The following CTNND2 variants were observed in gnomAD, a reference collection of about 807,000 sequenced individuals.
CTNND2 encodes the protein catenin delta 2.
A neutral mutation model predicts 144.4 loss-of-function variants in CTNND2; 22 were observed. The ratio of observed to expected loss-of-function variants is 0.15; its 90% CI spans 0.11 to 0.22. The LOEUF (loss-of-function observed/expected upper bound fraction) is 0.22, where lower values mean the gene tolerates loss of function less well. CTNND2 is among the 10% of genes least tolerant of loss of function. The pLI, the probability that CTNND2 is intolerant of heterozygous loss-of-function variation, is 1.00. For missense variants in CTNND2, 1,353 were observed against 1,618.8 expected (o/e 0.84, Z 2.82); for synonymous variants, 751 against 695.6 (o/e 1.08, Z -1.25).
chr5:11,824,540 T>G (rs1793501717), intron 1 of CTNND2, among the ~76,000 whole-genome samples: 1 of 152,112 alleles, frequency 6.6e-6, no homozygotes, highest in South Asian at 2.1e-4. Flanking sequence ...CTGCCTCTAA[T>G]TGAAGGGAAA....
At chr5:11,885,318 C>T (rs1008737601) in intron 1 of CTNND2, among the ~76,000 whole-genome samples, 1 of 152,100 alleles carries the variant, frequency 6.6e-6, no homozygotes, top group Non-Finnish European at 1.5e-5. Flanking sequence ...CTTTCTATTA[C>T]TGATTTAATC....
At chr5:11,014,901 C>T (rs908658514) in intron 18 of CTNND2, among the ~76,000 whole-genome samples, 1 of 152,176 alleles carries the variant, frequency 6.6e-6, no homozygotes, top group Admixed American at 6.5e-5. Context: ...CCTAATTATG[C>T]AAACTCCATA....
chr5:11,300,878 C>G (rs775938743), intron 9 of CTNND2, among the ~76,000 whole-genome samples: 3 of 152,128 alleles, frequency 2.0e-5, no homozygotes, highest in Non-Finnish European at 4.4e-5. Context: ...CTTCAGAACA[C>G]GGGCCTGCAG....
At chr5:11,889,286 A>G (rs1313730949) in intron 1 of CTNND2, among the ~76,000 whole-genome samples, 1 of 152,214 alleles carries the variant, frequency 6.6e-6, no homozygotes, top group Non-Finnish European at 1.5e-5. Flanking sequence ...ACACATTTTC[A>G]GTTACAAACC....
At chr5:11,330,627 C>T (rs971024867) in intron 9 of CTNND2, among the ~76,000 whole-genome samples, 8 of 151,544 alleles carry the variant, frequency 5.3e-5, no homozygotes, top group Admixed American at 2.6e-4. Flanking sequence ...AGTTCCAGTC[C>T]AGCCTGACCA....
At chr5:11,209,432 C>T (rs1409593765) in intron 10 of CTNND2, among the ~76,000 whole-genome samples, 2 of 152,142 alleles carry the variant, frequency 1.3e-5, no homozygotes, top group Non-Finnish European at 2.9e-5. Flanking sequence ...AAAAGAATTA[C>T]AAGCCAATGT....
In CTNND2 at chr5:11,845,859, T is replaced by C. The variant is rs139379634; in HGVS notation, c.37+57958A>G. On this transcript the variant is annotated intron_variant, in intron 1 of 21. Transcript: ENST00000304623. The stretch of plus-strand genomic sequence containing the variant: ...TAGCACTATACTTAATGTTTGAGTC[T>C]GTGATAAATTGTGACTAGTCTATAT... 7.7e-3 allele frequency among the ~76,000 whole-genome samples: 1,180 copies of C among 152,326 alleles called. 15 individuals carry two copies. Among genetic ancestry groups the C allele is most frequent in the African/African-American group, 0.023 (954 of 41,566 alleles).
At chr5:11,292,099 C>T (rs1210538127) in intron 9 of CTNND2, among the ~76,000 whole-genome samples, 3 of 152,094 alleles carry the variant, frequency 2.0e-5, no homozygotes, top group African/African-American at 4.8e-5. Context: ...AGTTCTCCTG[C>T]TTATGATTGA....
chr5:11,840,910 A>T (rs1581984637), intron 1 of CTNND2, among the ~76,000 whole-genome samples: 1 of 152,208 alleles, frequency 6.6e-6, no homozygotes, highest in East Asian at 1.9e-4. Flanking sequence ...CCACTGACAA[A>T]CTTGAAATGG....
At chr5:11,713,819 C>A (rs1020092701) in intron 2 of CTNND2, among the ~76,000 whole-genome samples, 4 of 151,958 alleles carry the variant, frequency 2.6e-5, no homozygotes, top group Non-Finnish European at 2.9e-5. Context: ...GATTTGAAGA[C>A]TAAAATAAAT....
chr5:11,636,715 T>A (rs1382511235), intron 2 of CTNND2, among the ~76,000 whole-genome samples: 1 of 152,186 alleles, frequency 6.6e-6, no homozygotes, highest in African/African-American at 2.4e-5. Context: ...AGAAAGTGTG[T>A]CATCTTGGCA....
At chr5:11,685,003 A>G (rs1348947298) in intron 2 of CTNND2, among the ~76,000 whole-genome samples, 1 of 152,218 alleles carries the variant, frequency 6.6e-6, no homozygotes, top group Non-Finnish European at 1.5e-5. Context: ...CTGATGCTTC[A>G]CAGCTTATAA....
intron 11 of CTNND2, among the ~76,000 whole-genome samples, chr5:11,172,784 G>A (rs2149788634): frequency 6.6e-6 from 1 of 152,284 alleles, no homozygotes; most frequent in East Asian, 1.9e-4. Context: ...ATATCAATTA[G>A]GCAGAGAGAA....
At chr5:11,441,592 C>T (rs898886449) in intron 3 of CTNND2, among the ~76,000 whole-genome samples, 2 of 150,836 alleles carry the variant, frequency 1.3e-5, no homozygotes, top group African/African-American at 4.9e-5. Context: ...CCATCTTGGC[C>T]AGGCTGGTCT....
intron 17 of CTNND2, among the ~76,000 whole-genome samples, chr5:11,021,476 A>G (rs569582803): frequency 6.6e-6 from 1 of 152,332 alleles, no homozygotes; most frequent in South Asian, 2.1e-4. Flanking sequence ...GAAGAAAACC[A>G]TATGGTTTCC....
chr5:11,012,849 T>A (rs1367888078), intron 18 of CTNND2, among the ~76,000 whole-genome samples: 1 of 152,196 alleles, frequency 6.6e-6, no homozygotes, highest in African/African-American at 2.4e-5. Flanking sequence ...CAAACAAGCT[T>A]GGAGGAATAC....
rs185556476 is a variant in CTNND2 at position 11,464,093 on chromosome 5, T to C, written c.288-52024A>G. Among the ~76,000 whole-genome samples the C allele has an allele frequency of 5.3e-5, 8 of 152,328 alleles. No individual in the cohort carries two copies. In the East Asian group the frequency reaches 1.2e-3, roughly 22 times the overall value. On this transcript the variant is annotated intron_variant, in intron 3 of 21. Transcript: ENST00000304623. ...TAAAAATTAAATTCTAAGTAGGTAGTAGATTTTGTTCATTCATTCATCTGA... is the reference window on the plus strand; with the variant it reads ...TAAAAATTAAATTCTAAGTAGGTAGCAGATTTTGTTCATTCATTCATCTGA...
chr5:11,632,171 G>A (rs1781446170), intron 2 of CTNND2, among the ~76,000 whole-genome samples: 1 of 152,208 alleles, frequency 6.6e-6, no homozygotes. Context: ...AGATAGCTAA[G>A]ATGATCCCTC....
At chr5:11,637,835 G>A (rs1032710905) in intron 2 of CTNND2, among the ~76,000 whole-genome samples, 2 of 152,044 alleles carry the variant, frequency 1.3e-5, no homozygotes, top group Admixed American at 1.3e-4. Flanking sequence ...AGGGGAGGAG[G>A]TTTTAGACAT....
Sources: allele counts gnomAD v4.1 joint callset (sites outside exome capture counted in the v4.1 genomes callset), GRCh38; gene constraint gnomAD v4.1.1; transcripts MANE v1.5; gene names NCBI Gene and HGNC (gene_info 2026-07-23, HGNC 2026-07-21).